The following AMPH variants were observed in gnomAD, a reference collection of about 807,000 sequenced individuals.
AMPH encodes the protein amphiphysin, also known as amphiphysin (Stiff-Mann syndrome with breast cancer 128kD autoantigen).
Under a neutral mutation model 99.1 loss-of-function variants are expected in AMPH, and 49 were observed. That is an observed-to-expected ratio of 0.49 (90% CI 0.39 to 0.63). The LOEUF is 0.63. Among genes scored for constraint, AMPH ranks in the 20% least tolerant of loss-of-function variants. AMPH has a pLI of 0.00. For missense variants in AMPH, 759 were observed against 863.4 expected, an observed-to-expected ratio of 0.88 and a Z score of 1.52; for synonymous variants, 314 against 317.3, an observed-to-expected ratio of 0.99 and a Z score of 0.11.
chr7:38,494,907 A>G (rs993891087), intron 3 of AMPH, among the ~76,000 whole-genome samples: 1 of 152,176 alleles, frequency 6.6e-6, no homozygotes, highest in African/African-American at 2.4e-5. Flanking sequence ...AATTAGTCCT[A>G]AATGAATTTA....
chr7:38,385,067 C>A, intron 20 of AMPH, 142 bp from the exon 21 acceptor site: 3 of 619,550 alleles, frequency 4.8e-6, no homozygotes, highest in South Asian at 2.5e-5. Flanking sequence ...GTGCCGTGAT[C>A]AATGGGAAGG....
chr7:38,581,174 T>A (rs192411932), intron 1 of AMPH, among the ~76,000 whole-genome samples: 5 of 152,168 alleles, frequency 3.3e-5, no homozygotes, highest in Admixed American at 3.3e-4. Flanking sequence ...GCAATTATTT[T>A]AAATAATAAT....
At chr7:38,448,106 G>A (rs1786861116) in intron 11 of AMPH, among the ~76,000 whole-genome samples, 1 of 152,164 alleles carries the variant, frequency 6.6e-6, no homozygotes. Context: ...AGTGAGTAAA[G>A]TTTTAGCATT....
intron 4 of AMPH, among the ~76,000 whole-genome samples, chr7:38,493,685 C>T (rs1402764719): frequency 6.6e-6 from 1 of 152,042 alleles, no homozygotes; most frequent in African/African-American, 2.4e-5. Flanking sequence ...TGCTTGTCTT[C>T]GTGAAGTGAA....
rs10556315 is a variant in AMPH, at chr7:38,432,587, TACACACACACACAC to T, written c.1135-389_1135-376del. Among the ~76,000 whole-genome samples, 33 of 148,182 alleles carry T rather than the reference TACACACACACACAC, an allele frequency of 2.2e-4. 1 individual carries two copies. Among genetic ancestry groups the T allele is most frequent in the African/African-American group, 5.2e-4 (21 of 40,256 alleles). On this transcript the variant is annotated intron_variant, in intron 12 of 20. Coordinates refer to ENST00000356264, the MANE Select transcript of AMPH (RefSeq NM_001635.4). The stretch of plus-strand genomic sequence containing the variant: ...TGAAACACAAATGAGGTTATTTTAA[TACACACACACACAC>T]ACACACACACACACACACACACCTC...
At chr7:38,562,157 C>T (rs978021061) in intron 1 of AMPH, among the ~76,000 whole-genome samples, 12 of 151,784 alleles carry the variant, frequency 7.9e-5, no homozygotes, top group Non-Finnish European at 1.6e-4. Flanking sequence ...TGAAAAAAGT[C>T]AGCAAGGTAA....
At chr7:38,390,977 G>C (rs1202915680) in intron 19 of AMPH, among the ~76,000 whole-genome samples, 1 of 25,582 alleles carries the variant, frequency 3.9e-5, no homozygotes, top group South Asian at 9.0e-4. Flanking sequence ...GAGAGAGAGA[G>C]AGAGAGAGAG....
At chr7:38,424,694 A>G (rs1366684525) in intron 15 of AMPH, among the ~76,000 whole-genome samples, 2 of 152,206 alleles carry the variant, frequency 1.3e-5, no homozygotes, top group Non-Finnish European at 2.9e-5. Context: ...CTCCCAAACC[A>G]AAACCCATAA....
chr7:38,441,709 G>C (rs1297009608), intron 11 of AMPH, among the ~76,000 whole-genome samples: 1 of 139,666 alleles, frequency 7.2e-6, no homozygotes, highest in Non-Finnish European at 1.5e-5. Flanking sequence ...ACCTATCAAT[G>C]AAGGCCTGGA....
chr7:38,575,628 G>A (rs368045960), intron 1 of AMPH, among the ~76,000 whole-genome samples: 5 of 152,166 alleles, frequency 3.3e-5, no homozygotes, highest in Admixed American at 6.5e-5. Context: ...AGAAGGACAT[G>A]TTTACTTCCC....
chr7:38,581,779 G>A (rs939757541), intron 1 of AMPH, among the ~76,000 whole-genome samples: 1 of 152,148 alleles, frequency 6.6e-6, no homozygotes, highest in African/African-American at 2.4e-5. Flanking sequence ...GATGAGCTTG[G>A]CTGATGGACG....
At chr7:38,507,214 G>A (rs1314991781) in intron 2 of AMPH, among the ~76,000 whole-genome samples, 1 of 151,718 alleles carries the variant, frequency 6.6e-6, no homozygotes, top group Non-Finnish European at 1.5e-5. Flanking sequence ...TTTTTTAAAT[G>A]AAATAAGAAA....
intron 1 of AMPH, among the ~76,000 whole-genome samples, chr7:38,576,247 A>G (rs1792236221): frequency 6.6e-6 from 1 of 152,228 alleles, no homozygotes; most frequent in Non-Finnish European, 1.5e-5. Context: ...AAAAACAAAT[A>G]AATGAACAAA....
chr7:38,427,692 A>G, intron 14 of AMPH: 1 of 282,950 alleles, frequency 3.5e-6, no homozygotes, highest in Non-Finnish European at 6.8e-6. Context: ...TGGTTTGCAC[A>G]GATTTCAAGA....
At chr7:38,496,613 G>C (rs1192451101) in intron 3 of AMPH, among the ~76,000 whole-genome samples, 1 of 152,142 alleles carries the variant, frequency 6.6e-6, no homozygotes, top group African/African-American at 2.4e-5. Flanking sequence ...CCAAGCAAGG[G>C]GGGATGCGTT....
intron 5 of AMPH, among the ~76,000 whole-genome samples, chr7:38,483,562 C>A (rs1439631770): frequency 6.6e-6 from 1 of 152,122 alleles, no homozygotes; most frequent in Non-Finnish European, 1.5e-5. Flanking sequence ...AATGACCCAG[C>A]ATTCTCTAGA....
At chr7:38,585,918 T>C (rs115754274) in intron 1 of AMPH, among the ~76,000 whole-genome samples, 343 of 152,350 alleles carry the variant, frequency 2.3e-3, no homozygotes, top group African/African-American at 7.9e-3. Flanking sequence ...CAGGGGATAG[T>C]GAAGTAGCAG....
At chr7:38,426,464 G>A (rs1166450301) in intron 15 of AMPH, among the ~76,000 whole-genome samples, 1 of 152,236 alleles carries the variant, frequency 6.6e-6, no homozygotes, top group East Asian at 1.9e-4. Flanking sequence ...AACTGCTGAA[G>A]AGGTAAGGCT....
At chr7:38,493,480 G>A (rs560588552) in intron 4 of AMPH, among the ~76,000 whole-genome samples, 2 of 152,134 alleles carry the variant, frequency 1.3e-5, no homozygotes, top group East Asian at 3.9e-4. Flanking sequence ...TGTAGATGAG[G>A]AAACTAAAGC....
Sources: gnomAD v4.1 joint callset for allele counts (sites outside exome capture counted in the v4.1 genomes callset) on GRCh38, gnomAD v4.1.1 for gene constraint, MANE v1.5 for transcripts, NCBI Gene and HGNC (gene_info 2026-07-23, HGNC 2026-07-21) for gene names.